Variants in PLXNA4 observed in about 807,000 individuals in gnomAD.
PLXNA4 encodes the protein plexin-A4.
In PLXNA4, 44 loss-of-function variants were observed where a neutral mutation model predicts 191.8. The observed-to-expected ratio is 0.23, with a 90% CI of 0.18 to 0.29. The LOEUF (loss-of-function observed/expected upper bound fraction) is 0.29, where lower values mean the gene tolerates loss of function less well. PLXNA4 is among the 10% of genes least tolerant of loss of function. The pLI is 1.00. For synonymous variants in PLXNA4, 1,082 were observed against 1,009.5 expected (o/e 1.07, Z -1.36); for missense variants, 1,800 against 2,488.8 (o/e 0.72, Z 5.89).
intron 21 of PLXNA4, among the ~76,000 whole-genome samples, chr7:132,174,244 C>T (rs988458660): frequency 6.6e-6 from 1 of 152,194 alleles, no homozygotes. Context: ...CCATGCTAGA[C>T]AGTAAGTGGG....
At chr7:132,516,345 G>T (rs1798940921) in intron 1 of PLXNA4, among the ~76,000 whole-genome samples, 1 of 151,956 alleles carries the variant, frequency 6.6e-6, no homozygotes, top group African/African-American at 2.4e-5. Flanking sequence ...TTTCGTATAT[G>T]ATTTACATGG....
At chr7:132,498,606 G>A (rs757315082) in intron 2 of PLXNA4, among the ~76,000 whole-genome samples, 5 of 152,286 alleles carry the variant, frequency 3.3e-5, no homozygotes, top group East Asian at 1.9e-4. Flanking sequence ...GCCAAACCAT[G>A]AGAGTATGCA....
chr7:132,258,798 C>T (rs1298094896), intron 4 of PLXNA4, among the ~76,000 whole-genome samples: 1 of 152,144 alleles, frequency 6.6e-6, no homozygotes, highest in African/African-American at 2.4e-5. Context: ...ACCAAAGAAT[C>T]CCAGAGTTGG....
chr7:132,647,592 AAC>A (rs1255817649), intron 1 of PLXNA4, among the ~76,000 whole-genome samples: 2 of 150,228 alleles, frequency 1.3e-5, no homozygotes, highest in African/African-American at 2.5e-5. Flanking sequence ...TACATTCACA[AAC>A]ACATGCTGTT....
At chr7:132,144,294 T>C (rs1246867024) in intron 29 of PLXNA4, among the ~76,000 whole-genome samples, 2 of 152,188 alleles carry the variant, frequency 1.3e-5, no homozygotes, top group Admixed American at 1.3e-4. Flanking sequence ...GAGACCCAGC[T>C]TTATGCAAGC....
At position 132,132,491 on chromosome 7, in the gene PLXNA4, T is replaced by TG. The variant is rs1563048519; in HGVS notation, c.5589+557_5589+558insC. ...TGCTCTGCTCTGCTCTGCTCTGCTCTATTCTTTTCTATTCTATTCTATTCT... is the reference window on the plus strand; with the variant it reads ...TGCTCTGCTCTGCTCTGCTCTGCTCTGATTCTTTTCTATTCTATTCTATTCT... On this transcript the variant is annotated intron_variant, in intron 31 of 31. Coordinates refer to ENST00000321063, the MANE Select transcript of PLXNA4 (RefSeq NM_020911.2). Among the ~76,000 whole-genome samples, 19 of 99,332 alleles carry TG rather than the reference T, an allele frequency of 1.9e-4. 1 individual carries two copies. The highest frequency in any genetic ancestry group is 6.6e-4 in the African/African-American group (16 of 24,370). The allele number at this position is 99,332 out of a possible 152,430, so 65.2% of individuals were successfully genotyped here.
chr7:132,490,443 T>TC (rs1491463608), intron 2 of PLXNA4, among the ~76,000 whole-genome samples: 2 of 131,850 alleles, frequency 1.5e-5, no homozygotes, highest in African/African-American at 3.3e-5. Flanking sequence ...TTTTTTTTTT[T>TC]GAGACAGGGT....
chr7:132,317,154 T>A (rs957459158), intron 3 of PLXNA4, among the ~76,000 whole-genome samples: 9 of 152,140 alleles, frequency 5.9e-5, no homozygotes, highest in African/African-American at 2.2e-4. Context: ...TGAATTGAAT[T>A]GGGCTGGGTT....
chr7:132,223,680 G>A (rs1798218582), intron 8 of PLXNA4, 39 bp from the exon 9 acceptor site: 1 of 1,541,530 alleles, frequency 6.5e-7, no homozygotes, highest in African/African-American at 1.4e-5. Flanking sequence ...CTAAGAACCT[G>A]GATGAGCCCA....
At position 132,180,594 on chromosome 7, in the gene PLXNA4, T is replaced by G. The variant is rs756432214; in HGVS notation, c.3631A>C (p.Lys1211Gln). Residue 1211 changes from lysine (K) to glutamine (Q), a missense_variant, in exon 19 of 32, where the codon AAA becomes CAA. Transcript: ENST00000321063. ...CESPNLIGRH[K>Q]VMARVGGMEY... The stretch of plus-strand genomic sequence containing the variant: ...GGTTCTGCCAGCCTCACCATCACTT[T>G]GTGCCTGCCGATGAGGTTGGGGGAC... The G allele has an allele frequency of 1.2e-6, 2 of 1,614,176 alleles. No individual in the cohort carries two copies. The highest frequency in any genetic ancestry group is 1.7e-6 in the Non-Finnish European group (2 of 1,180,010).
At chr7:132,316,276 C>A (rs1311528985) in intron 3 of PLXNA4, among the ~76,000 whole-genome samples, 2 of 152,284 alleles carry the variant, frequency 1.3e-5, no homozygotes, top group Middle Eastern at 6.8e-3. Context: ...TTCTAGTCAA[C>A]TTTTTGGGTT....
chr7:132,193,995 G>T (rs1797172092), intron 14 of PLXNA4, 67 bp downstream of exon 14: 1 of 1,559,596 alleles, frequency 6.4e-7, no homozygotes, highest in Non-Finnish European at 8.7e-7. Context: ...CTCTAGAGGG[G>T]CCCAGCAATC....
chr7:132,227,584 A>G lies in PLXNA4; in HGVS notation c.1749T>C (p.Asn583=). ...YNVLLVLETY[N]VPELSAGVNC... ...TGACGCCAGCTGACAGCTCCGGGACATTGTACGTCTCCAGGACCAGCTGTG... is the reference window on the plus strand; with the variant it reads ...TGACGCCAGCTGACAGCTCCGGGACGTTGTACGTCTCCAGGACCAGCTGTG... Residue 583 remains asparagine (N), a synonymous_variant, in exon 7 of 32, where the codon AAT becomes AAC. Coordinates refer to ENST00000321063, the MANE Select transcript of PLXNA4 (RefSeq NM_020911.2). 1 of 1,614,158 alleles carries G rather than the reference A, an allele frequency of 6.2e-7. No individual in the cohort carries two copies. The highest frequency in any genetic ancestry group is 8.5e-7 in the Non-Finnish European group (1 of 1,180,022).
chr7:132,370,175 G>T (rs760336788), intron 3 of PLXNA4, among the ~76,000 whole-genome samples: 7 of 152,110 alleles, frequency 4.6e-5, no homozygotes, highest in Non-Finnish European at 7.3e-5. Flanking sequence ...AGTCAACTTG[G>T]GTGTTCTTCC....
chr7:132,254,731 C>G (rs1799373757), intron 4 of PLXNA4, among the ~76,000 whole-genome samples: 1 of 152,184 alleles, frequency 6.6e-6, no homozygotes, highest in South Asian at 2.1e-4. Flanking sequence ...AGGCCAGTTG[C>G]TTTCCATTAG....
chr7:132,223,578 G>C lies in PLXNA4; in HGVS notation c.2046C>G (p.Thr682=). The part of the protein sequence containing the change: ...CHWCKYRHVC[T]HDPKTCSFQE... ...GGAAGGAGCAGGTCTTGGGGTCATG[G>C]GTGCAGACATGCCGGTATTTACACC... The change falls in exon 9 of 32, where the codon ACC becomes ACG. Residue 682 remains threonine, a synonymous_variant. Transcript: ENST00000321063. 2 of 1,613,872 alleles carry C rather than the reference G, an allele frequency of 1.2e-6. No individual in the cohort carries two copies. The highest frequency in any genetic ancestry group is 8.5e-7 in the Non-Finnish European group (1 of 1,179,936).
intron 14 of PLXNA4, among the ~76,000 whole-genome samples, chr7:132,192,793 C>T (rs1797133744): frequency 1.3e-5 from 2 of 152,116 alleles, no homozygotes; most frequent in African/African-American, 4.8e-5. Flanking sequence ...CCACCATCTC[C>T]ATAATCACAA....
intron 20 of PLXNA4, among the ~76,000 whole-genome samples, chr7:132,176,523 TGTATGTGA>T (rs1264583954): frequency 1.3e-5 from 2 of 151,774 alleles, no homozygotes; most frequent in Non-Finnish European, 2.9e-5. Context: ...TGTCAGGGAG[TGTATGTGA>T]GTGTGTGAGT....
At chr7:132,642,156 ATTTC>A (rs1289534673) in intron 2 of PLXNA4, among the ~76,000 whole-genome samples, 2 of 152,114 alleles carry the variant, frequency 1.3e-5, no homozygotes, top group African/African-American at 4.8e-5. Context: ...ATTTGTTCTA[ATTTC>A]TTTCTTTAAT....
Sources: allele counts gnomAD v4.1 joint callset (sites outside exome capture counted in the v4.1 genomes callset), GRCh38; gene constraint gnomAD v4.1.1; transcripts MANE v1.5; gene names NCBI Gene and HGNC (gene_info 2026-07-23, HGNC 2026-07-21).